TNFSF13B: variants seen among roughly 807,000 people sequenced by gnomAD.
The protein encoded by TNFSF13B is tumor necrosis factor ligand superfamily member 13B.
A neutral mutation model predicts 29.1 loss-of-function variants in TNFSF13B; 8 were observed. That is an observed-to-expected ratio of 0.27 (90% CI 0.16 to 0.50). TNFSF13B has a LOEUF of 0.50. TNFSF13B is among the 20% of genes least tolerant of loss of function. The pLI is 0.98. For synonymous variants in TNFSF13B, 125 were observed against 130.8 expected (o/e 0.96, Z 0.30); for missense variants, 248 against 334.9 (o/e 0.74, Z 2.03).
intron 5 of TNFSF13B, 92 bp from the exon 6 acceptor site, chr13:108,306,734 T>TG: frequency 1.3e-6 from 1 of 774,940 alleles, no homozygotes; most frequent in South Asian, 1.8e-5. Flanking sequence ...ATGTTAACAT[T>TG]TTTTTTTTAC....
At chr13:108,278,589 CCCCTTCT>C (rs1566399299) in intron 2 of TNFSF13B, among the ~76,000 whole-genome samples, 79 of 116,164 alleles carry the variant, frequency 6.8e-4, no homozygotes, top group Non-Finnish European at 8.1e-4. Flanking sequence ...TCCTCCTCCT[CCCCTTCT>C]CTTCCTCCTC....
At chr13:108,278,929 G>A (rs1880853306) in intron 2 of TNFSF13B, among the ~76,000 whole-genome samples, 1 of 152,074 alleles carries the variant, frequency 6.6e-6, no homozygotes, top group East Asian at 1.9e-4. Flanking sequence ...ATATTATAGA[G>A]TGCTACACTT....
At chr13:108,269,700 GCAAACCTACTGTA>G, upstream of TNFSF13B, 1 of 506,736 alleles carries the variant, frequency 2.0e-6, no homozygotes, top group Non-Finnish European at 3.5e-6. Context: ...GTAAATGCCA[GCAAACCTACTGTA>G]CAGTAGGGGT....
chr13:108,289,918 T>C (rs1454164172), intron 3 of TNFSF13B, among the ~76,000 whole-genome samples: 2 of 152,084 alleles, frequency 1.3e-5, no homozygotes, highest in African/African-American at 4.8e-5. Context: ...TGAATTTTAA[T>C]CTAGATTTTG....
At chr13:108,304,755 T>C (rs2139071836) in intron 5 of TNFSF13B, among the ~76,000 whole-genome samples, 1 of 152,186 alleles carries the variant, frequency 6.6e-6, no homozygotes, top group South Asian at 2.1e-4. Context: ...GCCCAATAAG[T>C]CAGTTAGAAA....
intron 2 of TNFSF13B, among the ~76,000 whole-genome samples, chr13:108,273,389 T>C (rs1055698854): frequency 3.3e-5 from 5 of 152,212 alleles, no homozygotes; most frequent in African/African-American, 1.2e-4. Context: ...TACTGGTCTA[T>C]TTTCTTATTA....
At chr13:108,305,465 CTA>C (rs1174037762) in intron 5 of TNFSF13B, among the ~76,000 whole-genome samples, 2 of 152,126 alleles carry the variant, frequency 1.3e-5, no homozygotes, top group Non-Finnish European at 2.9e-5. Flanking sequence ...TAAATGGACT[CTA>C]TAGTTGTTCA....
intron 3 of TNFSF13B, among the ~76,000 whole-genome samples, chr13:108,294,468 C>A (rs1462841952): frequency 6.6e-6 from 1 of 152,118 alleles, no homozygotes; most frequent in Non-Finnish European, 1.5e-5. Flanking sequence ...GCGTGAGCCA[C>A]CATGCCTGGC....
Sources: gnomAD v4.1 joint callset for allele counts (sites outside exome capture counted in the v4.1 genomes callset) on GRCh38, gnomAD v4.1.1 for gene constraint, MANE v1.5 for transcripts, NCBI Gene and HGNC (gene_info 2026-07-23, HGNC 2026-07-21) for gene names.